Variants in PTPRD observed in about 807,000 individuals in gnomAD.
PTPRD encodes the protein receptor-type tyrosine-protein phosphatase delta.
Under a neutral mutation model 214.5 loss-of-function variants are expected in PTPRD, and 34 were observed. The ratio of observed to expected loss-of-function variants is 0.16; its 90% CI spans 0.12 to 0.21. The LOEUF is 0.21. Ranked by LOEUF, PTPRD falls within the 10% of genes least tolerant of loss-of-function variation. PTPRD has a pLI of 1.00. For missense variants in PTPRD, 2,545 were observed against 2,398.7 expected (o/e 1.06, Z -1.27); for synonymous variants, 1,128 against 845.7 (o/e 1.33, Z -5.79).
intron 36 of PTPRD, among the ~76,000 whole-genome samples, chr9:8,390,763 G>A (rs530653935): frequency 1.3e-5 from 2 of 152,270 alleles, no homozygotes; most frequent in Non-Finnish European, 2.9e-5. Flanking sequence ...AGGAGCCACA[G>A]TGATTAAGGG....
chr9:8,872,685 T>C (rs1035813933), intron 11 of PTPRD, among the ~76,000 whole-genome samples: 14 of 152,236 alleles, frequency 9.2e-5, no homozygotes, highest in African/African-American at 2.4e-4. Context: ...TTATCACTTT[T>C]TAAAAATAAA....
At chr9:9,310,329 A>T (rs1385579205) in intron 9 of PTPRD, among the ~76,000 whole-genome samples, 1 of 152,098 alleles carries the variant, frequency 6.6e-6, no homozygotes, top group Admixed American at 6.5e-5. Flanking sequence ...TGAGACTTTT[A>T]TCTCATTTCC....
At chr9:8,592,984 C>T (rs1230311254) in intron 14 of PTPRD, among the ~76,000 whole-genome samples, 1 of 152,022 alleles carries the variant, frequency 6.6e-6, no homozygotes, top group Non-Finnish European at 1.5e-5. Context: ...AAGGGCAGTA[C>T]ATTTGGGAAG....
intron 3 of PTPRD, among the ~76,000 whole-genome samples, chr9:10,092,512 G>A (rs2098442474): frequency 6.6e-6 from 1 of 151,360 alleles, no homozygotes; most frequent in South Asian, 2.1e-4. Context: ...TTGCCAAAAT[G>A]TGTCCTACAA....
At chr9:9,807,699 C>A (rs2045875073) in intron 5 of PTPRD, among the ~76,000 whole-genome samples, 1 of 152,174 alleles carries the variant, frequency 6.6e-6, no homozygotes, top group East Asian at 1.9e-4. Flanking sequence ...TCTATTTCTA[C>A]TAGTGGTATT....
At chr9:10,300,159 C>G (rs1161139160) in intron 3 of PTPRD, among the ~76,000 whole-genome samples, 1 of 152,066 alleles carries the variant, frequency 6.6e-6, no homozygotes, top group Non-Finnish European at 1.5e-5. Flanking sequence ...AAAACAACAA[C>G]AACAAAAAAG....
chr9:9,338,347 T>G (rs1443598795), intron 9 of PTPRD, among the ~76,000 whole-genome samples: 1 of 152,200 alleles, frequency 6.6e-6, no homozygotes, highest in East Asian at 1.9e-4. Context: ...TGCAGCAAGA[T>G]GAAAATAGGT....
intron 2 of PTPRD, among the ~76,000 whole-genome samples, chr9:10,544,132 G>A (rs923286421): frequency 6.6e-6 from 1 of 152,008 alleles, no homozygotes; most frequent in Non-Finnish European, 1.5e-5. Context: ...TTTATAAGTA[G>A]GCTCTTTCTA....
chr9:10,120,587 G>C (rs1225482857), intron 3 of PTPRD, among the ~76,000 whole-genome samples: 1 of 151,826 alleles, frequency 6.6e-6, no homozygotes, highest in Non-Finnish European at 1.5e-5. Context: ...GATGTTCTTA[G>C]ACACTTAGAG....
chr9:8,487,664 G>C (rs944606928), intron 27 of PTPRD, among the ~76,000 whole-genome samples: 20 of 152,122 alleles, frequency 1.3e-4, no homozygotes, highest in Non-Finnish European at 2.6e-4. Context: ...CACAAAAATA[G>C]CCAGGTGTGG....
chr9:10,146,150 C>CAT lies in PTPRD; in HGVS notation c.-544-112362_-544-112361dup, dbSNP rs56191246. Among the ~76,000 whole-genome samples, 829 of 147,344 alleles carry CAT rather than the reference C, an allele frequency of 5.6e-3. 5 individuals are homozygous for CAT. Among genetic ancestry groups the CAT allele is most frequent in the African/African-American group, 0.013 (511 of 40,158 alleles). ...AAGCTAAAAATTAAGTGAAATCATC[C>CAT]ATATATATATATATATATGTATATG... On this transcript the variant is annotated intron_variant, in intron 3 of 45. Transcript: ENST00000381196.
At chr9:10,534,816 T>C (rs1269381094) in intron 2 of PTPRD, among the ~76,000 whole-genome samples, 1 of 152,208 alleles carries the variant, frequency 6.6e-6, no homozygotes, top group African/African-American at 2.4e-5. Context: ...TCATTATAAA[T>C]ATTTTCCACA....
chr9:8,527,081 T>C (rs1218794746), intron 16 of PTPRD, among the ~76,000 whole-genome samples: 1 of 151,988 alleles, frequency 6.6e-6, no homozygotes, highest in Non-Finnish European at 1.5e-5. Context: ...AAAGACTAAC[T>C]GGAAACAAAC....
rs1567089304 is a variant in PTPRD at position 8,933,339 on chromosome 9, G to GTTT, written c.-104+85357_-104+85358insAAA. ...GCCATCTTGCCAGCCACAACCTTGA[G>GTTT]GTTTTTTTTTTTTTTTTTTTTTTTA... On this transcript the variant is annotated intron_variant, in intron 11 of 45. Transcript: ENST00000381196. 6.3e-4 allele frequency among the ~76,000 whole-genome samples: 43 copies of GTTT among 68,800 alleles called. 2 individuals carry two copies. Among genetic ancestry groups the GTTT allele is most frequent in the East Asian group, 3.6e-3 (6 of 1,684 alleles). 45.1% of individuals were successfully genotyped at this position (68,800 alleles called of 152,430 possible). A position where few individuals can be genotyped will look rare whatever the true frequency, so the allele number is the denominator to read the frequency against.
rs756864799 is a variant in PTPRD, at chr9:8,518,008, T to C, written c.1383A>G (p.Gln461=). 10 of 1,614,090 alleles carry C rather than the reference T, an allele frequency of 6.2e-6. No individual in the cohort carries two copies. The highest frequency in any genetic ancestry group is 2.7e-5 in the African/African-American group (2 of 74,948). ...YRVYYTMDPT[Q]HVNNWMKHNV... Reference sequence around the variant, plus strand: ...TGTGTTTCATCCAGTTGTTGACATGTTGAGTGGGATCCATTGTATAATAAA... The same window carrying C: ...TGTGTTTCATCCAGTTGTTGACATGCTGAGTGGGATCCATTGTATAATAAA... The change falls in exon 21 of 46, where the codon CAA becomes CAG. Residue 461 remains glutamine, a synonymous_variant. Transcript: ENST00000381196.
At chr9:9,187,473 G>A (rs780015088) in intron 9 of PTPRD, among the ~76,000 whole-genome samples, 1 of 152,046 alleles carries the variant, frequency 6.6e-6, no homozygotes, top group East Asian at 1.9e-4. Flanking sequence ...TTTATGTGCA[G>A]TTTGTACAAT....
Position 8,460,533 on chromosome 9 carries a change from C to T in PTPRD, c.3753G>A (p.Val1251=), listed in dbSNP as rs2134156592. 1.2e-6 allele frequency: 2 copies of T among 1,613,458 alleles called. No individual in the cohort carries two copies. Among genetic ancestry groups the T allele is most frequent in the South Asian group, 1.1e-5 (1 of 91,062 alleles). Residue 1251 remains valine (V), a synonymous_variant, in exon 33 of 46, where the codon GTG becomes GTA. Transcript: ENST00000381196. The stretch of plus-strand genomic sequence containing the variant: ...TTGGCTGCGGATCCAGATCCATTGA[C>T]ACCACGGGGTCGGAGTAAGGGCTGG... The part of the protein sequence containing the change: ...YATSPYSDPV[V]SMDLDPQPIT...
intron 2 of PTPRD, among the ~76,000 whole-genome samples, chr9:10,537,617 G>T (rs1365368858): frequency 3.3e-5 from 5 of 151,880 alleles, no homozygotes; most frequent in African/African-American, 1.2e-4. Flanking sequence ...TCAAAGTTTT[G>T]TGCTTTTCTT....
At chr9:8,647,162 C>A (rs1045681999) in intron 12 of PTPRD, among the ~76,000 whole-genome samples, 1 of 152,248 alleles carries the variant, frequency 6.6e-6, no homozygotes, top group African/African-American at 2.4e-5. Flanking sequence ...CATAATATAA[C>A]GTGATGAGTC....
Sources: gnomAD v4.1 joint callset for allele counts (sites outside exome capture counted in the v4.1 genomes callset) on GRCh38, gnomAD v4.1.1 for gene constraint, MANE v1.5 for transcripts, NCBI Gene and HGNC (gene_info 2026-07-23, HGNC 2026-07-21) for gene names.